The following SH3TC1 variants were observed in gnomAD, a reference collection of about 807,000 sequenced individuals.
The protein encoded by SH3TC1 is SH3 domain and tetratricopeptide repeats 1, also known as SH3 domain and tetratricopeptide repeat-containing protein 1.
Under a neutral mutation model 117.3 loss-of-function variants are expected in SH3TC1, and 135 were observed. The ratio of observed to expected loss-of-function variants is 1.15; its 90% CI spans 1.00 to 1.33. The LOEUF is 1.33. Ranked by LOEUF, SH3TC1 falls within the 40% of genes most tolerant of loss-of-function variation. The pLI is 0.00. For synonymous variants in SH3TC1, 898 were observed against 816.9 expected (o/e 1.10, Z -1.69); for missense variants, 2,092 against 1,794.3 (o/e 1.17, Z -3.00).
intron 12 of SH3TC1, chr4:8,231,624 C>T (rs1325459367): frequency 3.6e-6 from 1 of 274,948 alleles, no homozygotes; most frequent in African/African-American, 2.2e-5. Flanking sequence ...TTTTGCTCCC[C>T]CAGGGTTCCA....
At position 8,188,444 on chromosome 4, in the gene SH3TC1, G is replaced by A. The variant is rs185517279; in HGVS notation, c.-57+6234G>A. On this transcript the variant is annotated intron_variant, in intron 1 of 16. Coordinates refer to the SH3TC1 transcript ENST00000508641. ...CTCCTTTGTGGGACCCCTCCCCTAC[G>A]CTGGCAGGTGTTGGGCCTGGGCAGG... Among the ~76,000 whole-genome samples, 76 of 152,338 alleles carry A rather than the reference G, an allele frequency of 5.0e-4. 1 individual carries two copies. The highest frequency in any genetic ancestry group is 1.3e-4 in the Non-Finnish European group (9 of 68,040).
In SH3TC1 at chr4:8,216,185, G is replaced by A. The variant is rs974621368; in HGVS notation, c.556G>A (p.Glu186Lys). 3.1e-6 allele frequency: 5 copies of A among 1,613,770 alleles called. No individual in the cohort carries two copies. Among genetic ancestry groups the A allele is most frequent in the Non-Finnish European group, 4.2e-6 (5 of 1,180,030 alleles). ...GCTGCTCTTGCCCAGTGAGGAGGAG[G>A]AGACGGCCATCCAAGTCCATGTGGA... ...FWLLLPSEEEETAIQVHVDEN... is the reference protein window; with the variant it reads ...FWLLLPSEEEKTAIQVHVDEN... Residue 186 changes from glutamate to lysine, a missense_variant, in exon 6 of 18, where the codon GAG (glutamate) becomes AAG (lysine). Coordinates refer to ENST00000245105, the MANE Select transcript of SH3TC1 (RefSeq NM_018986.5).
In SH3TC1 at chr4:8,230,055, C is replaced by T. The variant is rs1419230482; in HGVS notation, c.2950+1411C>T. 2.0e-5 allele frequency among the ~76,000 whole-genome samples: 3 copies of T among 151,912 alleles called. No homozygotes were observed. The East Asian group carries it at 5.8e-4, about 29-fold the overall frequency. On this transcript the variant is annotated intron_variant, in intron 12 of 17. Coordinates refer to ENST00000245105, the MANE Select transcript of SH3TC1 (RefSeq NM_018986.5). ...AGGATCATGCTTCCCTGTCTCCCCA[C>T]CCCGCGTTGAACAGTCGAGAAGACC...
chr4:8,228,758 C>T, intron 12 of SH3TC1, 114 bp downstream of exon 12: 11 of 911,172 alleles, frequency 1.2e-5, no homozygotes, highest in Non-Finnish European at 1.6e-5. Flanking sequence ...AGTGCTGAGT[C>T]ATGGCAAACA....
chr4:8,226,946 CTCTAA>C, intron 11 of SH3TC1, 29 bp from the exon 12 acceptor site: 1 of 1,484,426 alleles, frequency 6.7e-7, no homozygotes, highest in South Asian at 1.4e-5. Context: ...CACTGCTGGA[CTCTAA>C]TCTGTCTAGG....
chr4:8,228,107 G>T lies in SH3TC1; in HGVS notation c.2413G>T (p.Ala805Ser), dbSNP rs1386298514. ...CAGCCACCATGGCTGCCACGGCCCG[G>T]CCATCACCTTCATGACGCAGGCAGT... ...LYSHHGCHGP[A>S]ITFMTQAVEA... Residue 805 changes from alanine to serine, a missense_variant, in exon 12 of 18, where the codon GCC becomes TCC. By Grantham distance (99) the Ala-to-Ser change is moderately conservative. Transcript: ENST00000245105. 6.2e-7 allele frequency: 1 copy of T among 1,611,336 alleles called. No individual in the cohort carries two copies. The highest frequency in any genetic ancestry group is 1.7e-5 in the Admixed American group (1 of 59,930).
At chr4:8,215,103 T>C in intron 5 of SH3TC1, 1 of 451,614 alleles carries the variant, frequency 2.2e-6, no homozygotes, top group Admixed American at 2.4e-5. Flanking sequence ...GGGTCTTTGT[T>C]GCAGGAATGA....
intron 1 of SH3TC1, among the ~76,000 whole-genome samples, chr4:8,193,672 T>A (rs1467303803): frequency 6.6e-6 from 1 of 152,182 alleles, no homozygotes; most frequent in Non-Finnish European, 1.5e-5. Flanking sequence ...AGCCAAACCA[T>A]GGGACAGGTA....
At chr4:8,233,170 G>A (rs1281464519) in intron 13 of SH3TC1, 193 bp from the exon 14 acceptor site, 4 of 1,396,264 alleles carry the variant, frequency 2.9e-6, no homozygotes, top group African/African-American at 1.5e-5. Flanking sequence ...TCAGAAGGAT[G>A]TCCTTCGTCT....
chr4:8,205,475 G>A lies in SH3TC1; in HGVS notation c.172+109G>A, dbSNP rs1718127853. On this transcript the variant is annotated intron_variant, in intron 2 of 17. Coordinates refer to ENST00000245105, the MANE Select transcript of SH3TC1 (RefSeq NM_018986.5). The surrounding 1 kb of genome is among the most constrained non-coding windows in gnomAD (Gnocchi z 5.4). Reference sequence around the variant, plus strand: ...CCCTGCCTGCCTCCAGGCCTCTTGGGGCTGGGGCTGGAGTCTGCTCTCCAT... The same window carrying A: ...CCCTGCCTGCCTCCAGGCCTCTTGGAGCTGGGGCTGGAGTCTGCTCTCCAT... The A allele has an allele frequency of 1.4e-6, 2 of 1,426,126 alleles. No individual in the cohort carries two copies. Among genetic ancestry groups the A allele is most frequent in the Non-Finnish European group, 2.0e-6 (2 of 1,016,478 alleles). The allele number at this position is 1,426,126 out of a possible 1,614,324, so 88.3% of individuals were successfully genotyped here.
At chr4:8,208,188 A>T (rs1161575524) in intron 2 of SH3TC1, among the ~76,000 whole-genome samples, 1 of 152,156 alleles carries the variant, frequency 6.6e-6, no homozygotes, top group African/African-American at 2.4e-5. Context: ...TCTTCTTCAG[A>T]CAGGGAGTGA....
Position 8,205,350 on chromosome 4 carries a change from G to A in SH3TC1, c.156G>A (p.Lys52=), listed in dbSNP as rs1480984077. The change falls in exon 2 of 18, where the codon AAG becomes AAA. Residue 52 remains lysine (K), a synonymous_variant. Coordinates refer to ENST00000245105, the MANE Select transcript of SH3TC1 (RefSeq NM_018986.5). The surrounding 1 kb of genome is among the most constrained non-coding windows in gnomAD (Gnocchi z 5.4). ...AGAAAGCGGGGCCCGAGGAGGCCAA[G>A]GCGCCAGTGAGAGGCGGTGAGTTCA... The part of the protein sequence containing the change: ...SWEKAGPEEA[K]APVRGDEAPP... 6.5e-7 allele frequency: 1 copy of A among 1,548,886 alleles called. No individual in the cohort carries two copies. The highest frequency in any genetic ancestry group is 8.7e-7 in the Non-Finnish European group (1 of 1,146,628).
chr4:8,238,910 C>T (rs1054516371), intron 17 of SH3TC1, among the ~76,000 whole-genome samples: 1 of 152,130 alleles, frequency 6.6e-6, no homozygotes, highest in Non-Finnish European at 1.5e-5. Flanking sequence ...GTGCTGTCAG[C>T]GCAGGCCAGC....
At chr4:8,234,193 TTCATCCATCCACCATCCACCATCCTTCCA>T (rs1470997535) in intron 14 of SH3TC1, among the ~76,000 whole-genome samples, 5 of 138,736 alleles carry the variant, frequency 3.6e-5, no homozygotes, top group African/African-American at 1.1e-4. Context: ...CATCCATCCA[TTCATCCATCCACCATCCACCATCCTTCCA>T]TCATCCATCC....
intron 3 of SH3TC1, among the ~76,000 whole-genome samples, chr4:8,211,379 C>G (rs1268470951): frequency 1.1e-4 from 1 of 9,166 alleles, no homozygotes; most frequent in East Asian, 2.9e-3. Flanking sequence ...TCCTCTCCCC[C>G]TCCTGGTTTC....
In SH3TC1 at chr4:8,219,421, C is replaced by T; in HGVS notation, c.1003C>T (p.Leu335Phe). 2 of 1,611,788 alleles carry T rather than the reference C, an allele frequency of 1.2e-6. No individual in the cohort carries two copies. The highest frequency in any genetic ancestry group is 1.7e-6 in the Non-Finnish European group (2 of 1,178,954). Residue 335 changes from leucine to phenylalanine, a missense_variant, in exon 9 of 18, where the codon CTT becomes TTT. Coordinates refer to ENST00000245105, the MANE Select transcript of SH3TC1 (RefSeq NM_018986.5). Reference sequence around the variant, plus strand: ...CCGAGGTGGCGACCTCATCGAGATCCTTGGGGCGCAGGTGCCCAGCCTGCC... The same window carrying T: ...CCGAGGTGGCGACCTCATCGAGATCTTTGGGGCGCAGGTGCCCAGCCTGCC... ...TFRGGDLIEILGAQVPSLPWC... is the reference protein window; with the variant it reads ...TFRGGDLIEIFGAQVPSLPWC...
At chr4:8,239,462 A>G (rs1388362180) in intron 17 of SH3TC1, among the ~76,000 whole-genome samples, 1 of 150,292 alleles carries the variant, frequency 6.7e-6, no homozygotes, top group African/African-American at 2.5e-5. Flanking sequence ...GCAGATGCAC[A>G]CAGGCATATG....
At position 8,217,089 on chromosome 4, in the gene SH3TC1, CTT is replaced by C; in HGVS notation, c.762_763del (p.Ser255ThrfsTer29). On this transcript the variant is annotated frameshift_variant, in exon 7 of 18. Transcript: ENST00000245105. LOFTEE classifies it high-confidence loss of function. ...GGAGAGGCGGCCCCGGAAACAGACTCTTCACCGCCGAGCCCCAGCGTGTCCTC... is the reference window on the plus strand; with the variant it reads ...GGAGAGGCGGCCCCGGAAACAGACTCCACCGCCGAGCCCCAGCGTGTCCTC... 2.5e-6 allele frequency: 4 copies of C among 1,612,710 alleles called. No individual in the cohort carries two copies. The highest frequency in any genetic ancestry group is 3.4e-6 in the Non-Finnish European group (4 of 1,179,648).
chr4:8,204,871 G>T, intron 1 of SH3TC1: 1 of 247,500 alleles, frequency 4.0e-6, no homozygotes, highest in Non-Finnish European at 7.7e-6. Flanking sequence ...GGGGCACAAG[G>T]CACCCAGGGG....
Sources: allele counts gnomAD v4.1 joint callset (sites outside exome capture counted in the v4.1 genomes callset), GRCh38; gene constraint gnomAD v4.1.1; non-coding constraint Gnocchi (gnomAD v3.1); transcripts MANE v1.5; gene names NCBI Gene and HGNC (gene_info 2026-07-23, HGNC 2026-07-21).